Variants in PCDH11X observed in about 807,000 individuals in gnomAD.
PCDH11X encodes protocadherin-11 X-linked.
PCDH11X carries 18 observed loss-of-function variants against 53.3 expected under a neutral mutation model. That is an observed-to-expected ratio of 0.34 (90% CI 0.23 to 0.50). The LOEUF (loss-of-function observed/expected upper bound fraction) is 0.50, where lower values mean the gene tolerates loss of function less well. Among genes scored for constraint, PCDH11X ranks in the 20% least tolerant of loss-of-function variants. The pLI is 0.98. For missense variants in PCDH11X, 570 were observed against 1,032.4 expected, an observed-to-expected ratio of 0.55 and a Z score of 6.14; for synonymous variants, 279 against 393.3, an observed-to-expected ratio of 0.71 and a Z score of 3.44.
chrX:92,358,853 C>T (rs2070279180), intron 8 of PCDH11X, among the ~76,000 whole-genome samples: 1 of 110,243 alleles, frequency 9.1e-6, no homozygotes, highest in Non-Finnish European at 1.9e-5. Flanking sequence ...TCATAAGGAA[C>T]TTGCTTATAG....
intron 8 of PCDH11X, among the ~76,000 whole-genome samples, chrX:92,286,060 C>T (rs1328676818): frequency 2.7e-5 from 3 of 111,513 alleles, no homozygotes; most frequent in African/African-American, 9.8e-5. Flanking sequence ...GTTTCTTGCC[C>T]TCATTCCGGT....
In PCDH11X at chrX:92,507,821, A is replaced by ATT. The variant is rs67153001; in HGVS notation, c.3367+39508_3367+39509dup. 1.1e-3 allele frequency among the ~76,000 whole-genome samples: 116 copies of ATT among 105,252 alleles called. No individual in the cohort carries two copies. In the East Asian group the frequency reaches 0.021, roughly 19 times the overall value. The allele number at this position is 105,252 out of a possible 115,157, so 91.4% of individuals were successfully genotyped here. On this transcript the variant is annotated intron_variant, in intron 10 of 10. Coordinates refer to ENST00000682573, the MANE Select transcript of PCDH11X (RefSeq NM_032968.5). Reference sequence around the variant, plus strand: ...AATATTAATATTGAACCACAGGAACATTTTTTTTTTAACAGAGTCCTCACT... The same window carrying ATT: ...AATATTAATATTGAACCACAGGAACATTTTTTTTTTTTAACAGAGTCCTCACT...
intron 8 of PCDH11X, among the ~76,000 whole-genome samples, chrX:92,271,758 C>A (rs369917339): frequency 5.3e-5 from 6 of 112,191 alleles, no homozygotes; most frequent in South Asian, 7.4e-4. Flanking sequence ...TGCTCTTTTG[C>A]AATGATGCTG....
At chrX:91,946,262 T>C (rs1443022107) in intron 6 of PCDH11X, among the ~76,000 whole-genome samples, 1 of 107,850 alleles carries the variant, frequency 9.3e-6, no homozygotes, top group Non-Finnish European at 1.9e-5. Flanking sequence ...TATTTTGCCT[T>C]AACTAAATAT....
intron 6 of PCDH11X, among the ~76,000 whole-genome samples, chrX:92,027,108 G>A (rs1029625493): frequency 1.8e-5 from 2 of 111,607 alleles, no homozygotes; most frequent in African/African-American, 6.5e-5. Flanking sequence ...GTGCATATGT[G>A]TATATATACA....
intron 10 of PCDH11X, among the ~76,000 whole-genome samples, chrX:92,497,588 C>A: frequency 9.0e-6 from 1 of 110,553 alleles, no homozygotes; most frequent in Admixed American, 9.7e-5. Context: ...ATGTAAGTGA[C>A]TATTTTTAAA....
intron 6 of PCDH11X, among the ~76,000 whole-genome samples, chrX:92,018,940 C>T (rs2525156): frequency 2.7e-5 from 3 of 112,165 alleles, no homozygotes; most frequent in Non-Finnish European, 5.6e-5. Flanking sequence ...AGGAGCTACA[C>T]ATTTTTTTTT....
intron 6 of PCDH11X, among the ~76,000 whole-genome samples, chrX:92,130,342 C>G (rs1190099968): frequency 1.8e-5 from 2 of 110,787 alleles, no homozygotes; most frequent in African/African-American, 6.6e-5. Flanking sequence ...CAGTTTACAT[C>G]TTTAAAAAAA....
At chrX:92,102,314 A>T (rs1283041014) in intron 6 of PCDH11X, among the ~76,000 whole-genome samples, 1 of 111,503 alleles carries the variant, frequency 9.0e-6, no homozygotes, top group Non-Finnish European at 1.9e-5. Context: ...AAAGTATTAA[A>T]GCAGCGGCAG....
chrX:92,263,026 A>T (rs2067751880), intron 7 of PCDH11X, 88 bp from the exon 8 acceptor site: 1 of 901,668 alleles, frequency 1.1e-6, no homozygotes, highest in Non-Finnish European at 1.5e-6. Flanking sequence ...AAAAAAAAAA[A>T]TGTATTTGCA....
chrX:92,203,876 G>A (rs1280306818), intron 7 of PCDH11X, among the ~76,000 whole-genome samples: 1 of 111,863 alleles, frequency 8.9e-6, no homozygotes, highest in Non-Finnish European at 1.9e-5. Context: ...TCAAGTGCAG[G>A]GTCTGGAAAA....
At chrX:92,481,460 G>A (rs2073504474) in intron 10 of PCDH11X, among the ~76,000 whole-genome samples, 1 of 111,023 alleles carries the variant, frequency 9.0e-6, no homozygotes, top group South Asian at 3.9e-4. Flanking sequence ...CATGGCCATG[G>A]GCTTTGCTCT....
chrX:92,448,931 C>T (rs1202498149), intron 9 of PCDH11X, among the ~76,000 whole-genome samples: 6 of 111,902 alleles, frequency 5.4e-5, no homozygotes, highest in African/African-American at 2.0e-4. Flanking sequence ...TAGAATGACT[C>T]ACATAAGTAG....
chrX:92,273,585 G>C (rs959135066), intron 8 of PCDH11X, among the ~76,000 whole-genome samples: 4 of 110,184 alleles, frequency 3.6e-5, no homozygotes, highest in African/African-American at 9.9e-5. Flanking sequence ...TTTTGGGGGT[G>C]GTATGGAGAG....
intron 9 of PCDH11X, among the ~76,000 whole-genome samples, chrX:92,394,187 T>A (rs1351651717): frequency 1.8e-5 from 2 of 111,609 alleles, no homozygotes; most frequent in Non-Finnish European, 3.8e-5. Flanking sequence ...ATGAGAAGTG[T>A]ATCTTTAAAG....
chrX:91,895,118 A>G (rs1288423314), intron 6 of PCDH11X, among the ~76,000 whole-genome samples: 1 of 111,261 alleles, frequency 9.0e-6, no homozygotes, highest in East Asian at 2.8e-4. Context: ...ATGTTCCCTT[A>G]TAATACATTT....
intron 9 of PCDH11X, among the ~76,000 whole-genome samples, chrX:92,449,460 A>T (rs1266158840): frequency 8.9e-6 from 1 of 111,785 alleles, no homozygotes; most frequent in Non-Finnish European, 1.9e-5. Context: ...ATTAATTCAA[A>T]ATTTAGTCCC....
intron 8 of PCDH11X, among the ~76,000 whole-genome samples, chrX:92,273,479 G>A (rs1460135753): frequency 9.0e-6 from 1 of 111,299 alleles, no homozygotes; most frequent in Admixed American, 9.6e-5. Flanking sequence ...CAAGTCACAG[G>A]GGATGTGATG....
chrX:92,116,335 C>T (rs373958942), intron 6 of PCDH11X, among the ~76,000 whole-genome samples: 3 of 111,610 alleles, frequency 2.7e-5, no homozygotes, highest in East Asian at 5.6e-4. Context: ...CATGGTGGCA[C>T]ATTAAGTTAT....
Sources: allele counts gnomAD v4.1 joint callset (sites outside exome capture counted in the v4.1 genomes callset), GRCh38; gene constraint gnomAD v4.1.1; transcripts MANE v1.5; gene names NCBI Gene and HGNC (gene_info 2026-07-23, HGNC 2026-07-21).